ZNF479: variants seen among roughly 807,000 people sequenced by gnomAD.
The protein encoded by ZNF479 is KRAB zinc finger protein KR19.
ZNF479 carries 15 observed loss-of-function variants against 14.7 expected under a neutral mutation model. The observed-to-expected ratio is 1.02, with a 90% CI of 0.68 to 1.57. The LOEUF (loss-of-function observed/expected upper bound fraction) is 1.57. Among genes scored for constraint, ZNF479 ranks in the 40% most tolerant of loss-of-function variants. The probability of loss-of-function intolerance (pLI) is 0.00; values close to 1 mark genes in which losing one functional copy is unlikely to be tolerated. For missense variants in ZNF479, 506 were observed against 615.1 expected, an observed-to-expected ratio of 0.82 and a Z score of 1.88; for synonymous variants, 145 against 211.5, an observed-to-expected ratio of 0.69 and a Z score of 2.73.
chr7:57,135,933 C>T (rs1284317565), upstream of ZNF479, among the ~76,000 whole-genome samples: 1 of 151,704 alleles, frequency 6.6e-6, no homozygotes, highest in African/African-American at 2.4e-5. Context: ...TTCCTGAGCT[C>T]CTCACCTTTC....
In ZNF479 at chr7:57,119,887, T is replaced by C. The variant is rs782303494; in HGVS notation, c.1528A>G (p.Lys510Glu). Residue 510 changes from lysine to glutamate, a missense_variant, in exon 4 of 4, where the codon AAA becomes GAA. Around this residue, in one of 3 missense-constraint regions of ZNF479, gnomAD observed 72 missense variants for 97.6 expected, o/e 0.74. Coordinates refer to ENST00000319636, the MANE Select transcript of ZNF479 (RefSeq NM_001370129.2). ...QAFKWHSSLA[K>E]HKIIHTGEKP... Reference sequence around the variant, plus strand: ...TCTCCAGTGTGAATTATCTTATGTTTAGCAAGACTTGAATGCCACTTAAAA... The same window carrying C: ...TCTCCAGTGTGAATTATCTTATGTTCAGCAAGACTTGAATGCCACTTAAAA... 11 of 1,613,580 alleles carry C rather than the reference T, an allele frequency of 6.8e-6. No homozygotes were observed. In the South Asian group the frequency reaches 1.1e-4, roughly 16 times the overall value.
upstream of ZNF479, among the ~76,000 whole-genome samples, chr7:57,135,971 C>T (rs1258037731): frequency 6.0e-5 from 7 of 117,418 alleles, no homozygotes; most frequent in Non-Finnish European, 1.1e-4. Context: ...ATCTCTCTCT[C>T]AATCTCTCTC....
chr7:57,127,465 T>C, intron 1 of ZNF479: 4 of 812,970 alleles, frequency 4.9e-6, no homozygotes, highest in Non-Finnish European at 6.0e-6. Flanking sequence ...TGAGATTTTG[T>C]TTCAGGAGAT....
chr7:57,137,053 G>A (rs1227593633), upstream of ZNF479, among the ~76,000 whole-genome samples: 1 of 152,146 alleles, frequency 6.6e-6, no homozygotes, highest in East Asian at 1.9e-4. Context: ...GGGAGGTTAT[G>A]GTAGTGAAGT....
upstream of ZNF479, among the ~76,000 whole-genome samples, chr7:57,137,216 A>C (rs923055219): frequency 1.3e-5 from 2 of 152,168 alleles, no homozygotes; most frequent in Non-Finnish European, 2.9e-5. Flanking sequence ...TGCTCACTAC[A>C]ACTCTGCCTC....
upstream of ZNF479, among the ~76,000 whole-genome samples, chr7:57,137,302 C>T (rs36077951): frequency 0.28 from 42,003 of 151,814 alleles, 6,957 homozygotes; most frequent in East Asian, 0.53. Context: ...CACCTGGCTG[C>T]TATTTGTATT....
intron 3 of ZNF479, among the ~76,000 whole-genome samples, chr7:57,123,726 A>G (rs1469608165): frequency 6.6e-6 from 1 of 152,068 alleles, no homozygotes; most frequent in Non-Finnish European, 1.5e-5. Flanking sequence ...CCAGCCGCTC[A>G]GTAGGCCAAG....
At chr7:57,131,941 C>T (rs1258830284) in intron 1 of ZNF479, among the ~76,000 whole-genome samples, 1 of 152,166 alleles carries the variant, frequency 6.6e-6, no homozygotes, top group Non-Finnish European at 1.5e-5. Flanking sequence ...CAGCTCTTTC[C>T]ACTCATGAAT....
upstream of ZNF479, among the ~76,000 whole-genome samples, chr7:57,134,073 A>G (rs974141998): frequency 1.3e-5 from 2 of 152,290 alleles, no homozygotes; most frequent in Admixed American, 1.3e-4. Context: ...ACATTCCAGC[A>G]CCCTGTAGCT....
upstream of ZNF479, among the ~76,000 whole-genome samples, chr7:57,134,335 G>A (rs527426999): frequency 5.9e-5 from 9 of 152,142 alleles, no homozygotes; most frequent in East Asian, 1.9e-4. Flanking sequence ...ATCATTACAC[G>A]CTAATTATAA....
At position 57,132,138 on chromosome 7, in the gene ZNF479, G is replaced by A. The variant is rs111599381; in HGVS notation, c.39+148C>T. Reference sequence around the variant, plus strand: ...GCCCAGGCACCATCTTGCGGCTGGAGGGGACGAGAGCCGAGCTGGGCCAAA... The same window carrying A: ...GCCCAGGCACCATCTTGCGGCTGGAAGGGACGAGAGCCGAGCTGGGCCAAA... On this transcript the variant is annotated intron_variant, in intron 1 of 3. Coordinates refer to ENST00000319636, the MANE Select transcript of ZNF479 (RefSeq NM_001370129.2). 2,457 of 1,420,978 alleles carry A rather than the reference G, an allele frequency of 1.7e-3. 51 individuals carry two copies. The African/African-American group carries it at 0.031, about 18-fold the overall frequency. 88.0% of individuals were successfully genotyped at this position (1,420,978 alleles called of 1,614,324 possible).
intron 1 of ZNF479, among the ~76,000 whole-genome samples, chr7:57,126,952 C>G (rs1189453810): frequency 4.0e-5 from 6 of 151,672 alleles, no homozygotes; most frequent in African/African-American, 1.2e-4. Context: ...TGATACTTTT[C>G]TGGATGATAC....
At chr7:57,127,943 T>A (rs867638178) in intron 1 of ZNF479, among the ~76,000 whole-genome samples, 1,812 of 143,020 alleles carry the variant, frequency 0.013, 23 homozygotes, top group Middle Eastern at 0.033. Flanking sequence ...ATATATTTTT[T>A]TTTTTTTTTT....
Position 57,119,994 on chromosome 7 carries a change from A to G in ZNF479, c.1421T>C (p.Phe474Ser), listed in dbSNP as rs200382632. The G allele has an allele frequency of 0.019, 30,573 of 1,614,014 alleles. 449 individuals are homozygous for G. Among genetic ancestry groups the G allele is most frequent in the African/African-American group, 0.067 (5,008 of 75,010 alleles). ...PYTCEECGKAFNCSSTLMQHK... is the reference protein window; with the variant it reads ...PYTCEECGKASNCSSTLMQHK... ...TTGCATAAGGGTTGAGGAGCAATTA[A>G]AGGCTTTGCCACATTCTTCACATGT... Residue 474 changes from phenylalanine to serine, a missense_variant, in exon 4 of 4, where the codon TTT becomes TCT. By Grantham distance (155) the Phe-to-Ser change is radical. Coordinates refer to ENST00000319636, the MANE Select transcript of ZNF479 (RefSeq NM_001370129.2).
intron 3 of ZNF479, among the ~76,000 whole-genome samples, chr7:57,121,809 C>A (rs1554400678): frequency 6.6e-6 from 1 of 151,462 alleles, no homozygotes. Flanking sequence ...ATGGTCCAAT[C>A]AAAAAAATCA....
intron 1 of ZNF479, among the ~76,000 whole-genome samples, chr7:57,138,312 T>G (rs1346471653): frequency 6.6e-6 from 1 of 152,186 alleles, no homozygotes; most frequent in Admixed American, 6.5e-5. Flanking sequence ...ATCACACTCA[T>G]GTATATTCTA....
At chr7:57,125,866 C>G (rs1583937510) in intron 3 of ZNF479, 152 bp downstream of exon 3, 2 of 828,718 alleles carry the variant, frequency 2.4e-6, no homozygotes, top group African/African-American at 3.5e-5. Flanking sequence ...AGGAGGTGTC[C>G]CTATGTGAGA....
rs569631848 is a variant in ZNF479 at position 57,123,689 on chromosome 7, T to C, written c.262+2329A>G. On this transcript the variant is annotated intron_variant, in intron 3 of 3. Coordinates refer to ENST00000319636, the MANE Select transcript of ZNF479 (RefSeq NM_001370129.2). ...TCTCTACAAATAATTCAAAATTAGC[T>C]GAGCATTGTGGGGTATGCCTCTAGT... Among the ~76,000 whole-genome samples the C allele has an allele frequency of 3.3e-5, 5 of 152,112 alleles. No individual in the cohort carries two copies. In the East Asian group the frequency reaches 9.7e-4, roughly 30 times the overall value.
chr7:57,129,575 G>A (rs1786329531), intron 1 of ZNF479, among the ~76,000 whole-genome samples: 1 of 152,086 alleles, frequency 6.6e-6, no homozygotes, highest in South Asian at 2.1e-4. Context: ...AGTAATGTCT[G>A]AGTGAATCTG....
Sources: gnomAD v4.1 joint callset for allele counts (sites outside exome capture counted in the v4.1 genomes callset) on GRCh38, gnomAD v4.1.1 for gene constraint, gnomAD v4.1.1 regional missense constraint, MANE v1.5 for transcripts, NCBI Gene and HGNC (gene_info 2026-07-23, HGNC 2026-07-21) for gene names.